Variants in PJA2 observed in about 807,000 individuals in gnomAD.
PJA2 encodes praja ring finger ubiquitin ligase 2.
PJA2 carries 25 observed loss-of-function variants against 69.3 expected under a neutral mutation model. The ratio of observed to expected loss-of-function variants is 0.36; its 90% confidence interval spans 0.26 to 0.50. The LOEUF is 0.50. Ranked by LOEUF, PJA2 falls within the 20% of genes least tolerant of loss-of-function variation. The pLI, the probability that PJA2 is intolerant of heterozygous loss-of-function variation, is 0.96. For missense variants in PJA2, 809 were observed against 830.2 expected (o/e 0.97, Z 0.31); for synonymous variants, 308 against 277.8 (o/e 1.11, Z -1.08).
intron 1 of PJA2, among the ~76,000 whole-genome samples, chr5:109,398,963 G>A (rs1747479171): frequency 6.6e-6 from 1 of 152,018 alleles, no homozygotes. Flanking sequence ...TGTAATCCCA[G>A]CACTTTGGGA....
In PJA2 at chr5:109,337,351, T is replaced by A. The variant is rs972543385; in HGVS notation, c.2007A>T (p.Gly669=). Residue 669 remains glycine, a synonymous_variant, in exon 10 of 10, where the codon GGA becomes GGT. Transcript: ENST00000361189. ...AATGACGGCGGCACACAGGGCATGTTCCCGACTGGAGAAAAAAAAAATGTT... is the reference window on the plus strand; with the variant it reads ...AATGACGGCGGCACACAGGGCATGTACCCGACTGGAGAAAAAAAAAATGTT... ...PCVSIWLQKS[G]TCPVCRRHFP... The A allele has an allele frequency of 6.3e-7, 1 of 1,598,184 alleles. No individual in the cohort carries two copies. The highest frequency in any genetic ancestry group is 8.5e-7 in the Non-Finnish European group (1 of 1,174,234).
chr5:109,338,569 G>A (rs1273765223), intron 9 of PJA2, among the ~76,000 whole-genome samples: 1 of 150,176 alleles, frequency 6.7e-6, no homozygotes, highest in African/African-American at 2.5e-5. Flanking sequence ...CCCGGGAGGC[G>A]GAGGTTGCAG....
intron 4 of PJA2, among the ~76,000 whole-genome samples, chr5:109,374,522 C>T (rs999487514): frequency 2.5e-4 from 29 of 115,576 alleles, no homozygotes; most frequent in Non-Finnish European, 9.1e-5. Context: ...AGCTAGTGAA[C>T]CTTGTGGGAA....
At chr5:109,384,130 T>G (rs1277881032) in intron 1 of PJA2, among the ~76,000 whole-genome samples, 1 of 152,202 alleles carries the variant, frequency 6.6e-6, no homozygotes, top group African/African-American at 2.4e-5. Context: ...TCAGAAGTAC[T>G]GACTCAGGTA....
intron 9 of PJA2, among the ~76,000 whole-genome samples, chr5:109,337,856 C>A (rs761406626): frequency 1.3e-5 from 2 of 151,970 alleles, no homozygotes; most frequent in African/African-American, 2.4e-5. Context: ...AGGTCGATGG[C>A]AAATTAAAGC....
chr5:109,342,574 G>A (rs1232871146), intron 9 of PJA2, among the ~76,000 whole-genome samples: 4 of 99,552 alleles, frequency 4.0e-5, no homozygotes, highest in Non-Finnish European at 6.3e-5. Context: ...GGAGGTGAGG[G>A]GCGCCTCTGC....
At position 109,378,670 on chromosome 5, in the gene PJA2, T is replaced by C. The variant is rs1349503755; in HGVS notation, c.817A>G (p.Thr273Ala). The C allele has an allele frequency of 1.9e-6, 3 of 1,614,066 alleles. No individual in the cohort carries two copies. The highest frequency in any genetic ancestry group is 2.5e-6 in the Non-Finnish European group (3 of 1,180,002). ...TGTTCTGTCTGTCTTTCCTGGCTAGTATTATTTTGTTGTTTCGTACTAACC... is the reference window on the plus strand; with the variant it reads ...TGTTCTGTCTGTCTTTCCTGGCTAGCATTATTTTGTTGTTTCGTACTAACC... The part of the protein sequence containing the change: ...EMVSTKQQNN[T>A]SQERQTEHSP... Residue 273 changes from threonine (T) to alanine (A), a missense_variant, in exon 4 of 10, where the codon ACT becomes GCT. Around this residue, in one of 4 missense-constraint regions of PJA2, gnomAD observed 700 missense variants for 639.5 expected, o/e 1.09. Coordinates refer to ENST00000361189, the MANE Select transcript of PJA2 (RefSeq NM_014819.5).
At chr5:109,350,100 TG>T (rs1360324998) in intron 7 of PJA2, among the ~76,000 whole-genome samples, 1 of 152,188 alleles carries the variant, frequency 6.6e-6, no homozygotes, top group East Asian at 1.9e-4. Context: ...TTTGTCTCAA[TG>T]GGTTCATTAT....
In PJA2 at chr5:109,336,313, T is replaced by C. The variant is rs1345929748; in HGVS notation, c.*918A>G. The C allele has an allele frequency of 6.6e-6, 1 of 152,136 alleles. No individual in the cohort carries two copies. The highest frequency in any genetic ancestry group is 1.9e-4 in the East Asian group (1 of 5,196). The allele number at this position is 152,136 out of a possible 1,614,324, so 9.4% of individuals were successfully genotyped here. ...AGACATTGTGCATCTTAGTTTGGGGTTATATAATTACAAAGATGACCCTGT... is the reference window on the plus strand; with the variant it reads ...AGACATTGTGCATCTTAGTTTGGGGCTATATAATTACAAAGATGACCCTGT... On this transcript the variant is annotated 3_prime_UTR_variant, in exon 10 of 10. Transcript: ENST00000361189.
intron 6 of PJA2, among the ~76,000 whole-genome samples, chr5:109,357,544 TGTA>T (rs1222308112): frequency 1.3e-5 from 2 of 152,186 alleles, no homozygotes; most frequent in Admixed American, 1.3e-4. Flanking sequence ...AGCAGTAAGA[TGTA>T]GTACAAAGAG....
rs539719139 is a variant in PJA2, at chr5:109,399,308, T to G, written c.-88+10534A>C. Reference sequence around the variant, plus strand: ...ACCCAAAAACAAGAGACAAAGGGCTTGTGTAACACTGAGTACAGATAAGGA... The same window carrying G: ...ACCCAAAAACAAGAGACAAAGGGCTGGTGTAACACTGAGTACAGATAAGGA... On this transcript the variant is annotated intron_variant, in intron 1 of 9. Coordinates refer to ENST00000361189, the MANE Select transcript of PJA2 (RefSeq NM_014819.5). Among the ~76,000 whole-genome samples, 25 of 152,020 alleles carry G rather than the reference T, an allele frequency of 1.6e-4. No individual in the cohort carries two copies. In the South Asian group the frequency reaches 2.7e-3, roughly 16 times the overall value.
Position 109,337,204 on chromosome 5 carries a change from C to T in PJA2, c.*27G>A, listed in dbSNP as rs773523335. 6.2e-6 allele frequency: 10 copies of T among 1,608,894 alleles called. No homozygotes were observed. In the Admixed American group the frequency reaches 1.7e-4, roughly 27 times the overall value. Reference sequence around the variant, plus strand: ...AGGAATTTGCAGATTTACTTTGATACACTGATCTCATTTCAACTGTCAAGG... The same window carrying T: ...AGGAATTTGCAGATTTACTTTGATATACTGATCTCATTTCAACTGTCAAGG... On this transcript the variant is annotated 3_prime_UTR_variant, in exon 10 of 10. Transcript: ENST00000361189.
intron 5 of PJA2, among the ~76,000 whole-genome samples, chr5:109,367,921 A>C (rs1762612341): frequency 6.6e-6 from 1 of 152,182 alleles, no homozygotes; most frequent in African/African-American, 2.4e-5. Context: ...AAAATAGTAA[A>C]AGGTTGGAAG....
chr5:109,341,731 G>A (rs1762065839), intron 9 of PJA2, among the ~76,000 whole-genome samples: 2 of 38,770 alleles, frequency 5.2e-5, no homozygotes, highest in African/African-American at 2.7e-4. Context: ...ACTGGGAAGT[G>A]AGGAGCCCCT....
chr5:109,362,220 A>G (rs1158137085), intron 6 of PJA2, among the ~76,000 whole-genome samples: 1 of 152,248 alleles, frequency 6.6e-6, no homozygotes, highest in East Asian at 1.9e-4. Flanking sequence ...TCAGTGGGCT[A>G]CTATACACTT....
intron 1 of PJA2, among the ~76,000 whole-genome samples, chr5:109,392,560 CAAA>C (rs11365525): frequency 2.7e-5 from 3 of 110,110 alleles, no homozygotes; most frequent in Non-Finnish European, 3.6e-5. Context: ...GACTCCATCT[CAAA>C]AAAAAAAAAA....
chr5:109,354,867 T>C (rs971455118), intron 7 of PJA2, among the ~76,000 whole-genome samples: 4 of 151,788 alleles, frequency 2.6e-5, no homozygotes, highest in African/African-American at 4.8e-5. Context: ...ATAATCCCAG[T>C]GCCATGGGAG....
At chr5:109,373,825 C>CT (rs1475089045) in intron 4 of PJA2, among the ~76,000 whole-genome samples, 1 of 152,120 alleles carries the variant, frequency 6.6e-6, no homozygotes, top group African/African-American at 2.4e-5. Flanking sequence ...ACTAAAAAAA[C>CT]TTGATATACA....
At chr5:109,406,799 A>G (rs1407689202) in intron 1 of PJA2, among the ~76,000 whole-genome samples, 2 of 152,230 alleles carry the variant, frequency 1.3e-5, no homozygotes, top group African/African-American at 2.4e-5. Flanking sequence ...AAGTATCTGT[A>G]AATAGGTGGA....
Sources: gnomAD v4.1 joint callset for allele counts (sites outside exome capture counted in the v4.1 genomes callset) on GRCh38, gnomAD v4.1.1 for gene constraint, gnomAD v4.1.1 regional missense constraint, MANE v1.5 for transcripts, NCBI Gene and HGNC (gene_info 2026-07-23, HGNC 2026-07-21) for gene names.